The following NFIA variants were observed in gnomAD, a reference collection of about 807,000 sequenced individuals.
NFIA encodes the protein nuclear factor 1 A-type.
Under a neutral mutation model 62.8 loss-of-function variants are expected in NFIA, and 8 were observed. The ratio of observed to expected loss-of-function variants is 0.13; its 90% confidence interval spans 0.07 to 0.23. NFIA has a LOEUF of 0.23. Among genes scored for constraint, NFIA ranks in the 10% least tolerant of loss-of-function variants. The pLI is 1.00. For missense variants in NFIA, 410 were observed against 642.1 expected (o/e 0.64, Z 3.91); for synonymous variants, 235 against 238.1 (o/e 0.99, Z 0.12).
intron 2 of NFIA, among the ~76,000 whole-genome samples, chr1:61,201,719 C>T (rs888661532): frequency 6.6e-6 from 1 of 152,084 alleles, no homozygotes; most frequent in Non-Finnish European, 1.5e-5. Context: ...AGCTATTAGA[C>T]AAAGCGAAGG....
intron 2 of NFIA, among the ~76,000 whole-genome samples, chr1:61,249,515 T>G (rs1655875686): frequency 6.6e-6 from 1 of 152,170 alleles, no homozygotes; most frequent in Non-Finnish European, 1.5e-5. Context: ...ACGCCTATAA[T>G]CCAAGCACTT....
chr1:61,177,080 TG>T (rs1312994284), intron 2 of NFIA, among the ~76,000 whole-genome samples: 7 of 151,262 alleles, frequency 4.6e-5, no homozygotes, highest in African/African-American at 1.7e-4. Flanking sequence ...CACTCCAGCC[TG>T]GGCGACAGAG....
chr1:61,442,948 G>A (rs2100577100), intron 10 of NFIA, among the ~76,000 whole-genome samples: 1 of 152,250 alleles, frequency 6.6e-6, no homozygotes, highest in South Asian at 2.1e-4. Flanking sequence ...TTTCATTCAT[G>A]TCCTTATCCA....
intron 2 of NFIA, among the ~76,000 whole-genome samples, chr1:61,253,228 G>A (rs1024767908): frequency 6.6e-6 from 1 of 152,194 alleles, no homozygotes; most frequent in African/African-American, 2.4e-5. Context: ...CCAGGCAGAA[G>A]GTTAGTGTCA....
At chr1:61,399,917 CCTT>C (rs1665467115) in intron 7 of NFIA, among the ~76,000 whole-genome samples, 1 of 152,212 alleles carries the variant, frequency 6.6e-6, no homozygotes, top group African/African-American at 2.4e-5. Flanking sequence ...ATGATCCTGA[CCTT>C]CTCCTTTCTC....
chr1:61,098,876 A>C (rs1468010052), intron 2 of NFIA, among the ~76,000 whole-genome samples: 1 of 152,204 alleles, frequency 6.6e-6, no homozygotes, highest in Non-Finnish European at 1.5e-5. Context: ...GTGCCATCTC[A>C]TTGGATCCAG....
chr1:61,167,128 G>A (rs1343895926), intron 2 of NFIA, among the ~76,000 whole-genome samples: 3 of 152,160 alleles, frequency 2.0e-5, no homozygotes, highest in Non-Finnish European at 4.4e-5. Context: ...GTGACAGAGT[G>A]AGACTCTGTC....
chr1:61,212,201 A>T (rs1653309012), intron 2 of NFIA, among the ~76,000 whole-genome samples: 2 of 152,176 alleles, frequency 1.3e-5, no homozygotes, highest in African/African-American at 2.4e-5. Context: ...GGTGGGGCAG[A>T]ACATCAAAGA....
chr1:61,299,599 C>CA (rs148680822), intron 3 of NFIA, among the ~76,000 whole-genome samples: 1 of 152,300 alleles, frequency 6.6e-6, no homozygotes, highest in African/African-American at 2.4e-5. Flanking sequence ...GGTGAAATCT[C>CA]AAACAGTCCA....
At chr1:61,259,026 A>G (rs1018857767) in intron 2 of NFIA, among the ~76,000 whole-genome samples, 1 of 152,182 alleles carries the variant, frequency 6.6e-6, no homozygotes, top group African/African-American at 2.4e-5. Flanking sequence ...TGGCCAGGAA[A>G]TGTTTTTAAA....
chr1:61,295,218 G>T (rs188290926), intron 3 of NFIA, among the ~76,000 whole-genome samples: 198 of 152,316 alleles, frequency 1.3e-3, no homozygotes, highest in Admixed American at 5.7e-3. Context: ...GCTGTAACTA[G>T]TCAAAGTGTG....
At chr1:61,134,164 G>GT (rs1030675672) in intron 2 of NFIA, among the ~76,000 whole-genome samples, 25 of 151,778 alleles carry the variant, frequency 1.6e-4, no homozygotes, top group African/African-American at 4.6e-4. Context: ...CCTTTTGTGG[G>GT]TTTTTTTGAT....
At chr1:61,198,695 G>A (rs986684362) in intron 2 of NFIA, among the ~76,000 whole-genome samples, 1 of 152,164 alleles carries the variant, frequency 6.6e-6, no homozygotes, top group Non-Finnish European at 1.5e-5. Flanking sequence ...GATGTTGGCA[G>A]AGCACTTTCC....
At chr1:61,390,286 A>G (rs1364335696) in intron 7 of NFIA, among the ~76,000 whole-genome samples, 1 of 152,198 alleles carries the variant, frequency 6.6e-6, no homozygotes, top group Non-Finnish European at 1.5e-5. Context: ...GAATTCAGAC[A>G]TACGAAATGC....
At chr1:61,417,285 G>GTGTA (rs1666393704) in intron 9 of NFIA, among the ~76,000 whole-genome samples, 2 of 148,188 alleles carry the variant, frequency 1.3e-5, no homozygotes, top group Non-Finnish European at 3.0e-5. Context: ...GTGTGTGTGT[G>GTGTA]TGTGTATACA....
intron 2 of NFIA, among the ~76,000 whole-genome samples, chr1:61,242,241 G>A (rs1464223882): frequency 6.6e-6 from 1 of 152,068 alleles, no homozygotes; most frequent in East Asian, 1.9e-4. Context: ...GCTCAATAGG[G>A]ATCTCCAGGC....
intron 2 of NFIA, among the ~76,000 whole-genome samples, chr1:61,115,000 G>T (rs1260139894): frequency 1.3e-5 from 2 of 152,062 alleles, no homozygotes; most frequent in East Asian, 3.9e-4. Flanking sequence ...GTTTATTTTG[G>T]TTAGAATCTC....
chr1:61,106,456 A>T (rs1052324867), intron 2 of NFIA, among the ~76,000 whole-genome samples: 1 of 151,850 alleles, frequency 6.6e-6, no homozygotes, highest in Non-Finnish European at 1.5e-5. Context: ...ACTACAAATT[A>T]TTCACATTAG....
intron 2 of NFIA, among the ~76,000 whole-genome samples, chr1:61,236,773 G>A (rs541988495): frequency 3.0e-4 from 45 of 152,170 alleles, no homozygotes; most frequent in Non-Finnish European, 6.2e-4. Flanking sequence ...TAGTCCATAG[G>A]CAGATATGGT....
Sources: allele counts gnomAD v4.1 joint callset (sites outside exome capture counted in the v4.1 genomes callset), GRCh38; gene constraint gnomAD v4.1.1; transcripts MANE v1.5; gene names NCBI Gene and HGNC (gene_info 2026-07-23, HGNC 2026-07-21).